NAV3: variants seen among roughly 807,000 people sequenced by gnomAD.
NAV3 encodes neuron navigator 3, also known as pore membrane and/or filament interacting like protein 1.
Under a neutral mutation model 244.7 loss-of-function variants are expected in NAV3, and 87 were observed. The ratio of observed to expected loss-of-function variants is 0.36; its 90% confidence interval spans 0.30 to 0.42. NAV3 has a LOEUF of 0.42. Among genes scored for constraint, NAV3 ranks in the 20% least tolerant of loss-of-function variants. The pLI is 1.00. For missense variants in NAV3, 2,663 were observed against 2,893.3 expected (o/e 0.92, Z 1.83); for synonymous variants, 1,126 against 1,042.2 (o/e 1.08, Z -1.55).
Position 77,874,353 on chromosome 12 carries a change from G to A in NAV3, c.243+42649G>A, listed in dbSNP as rs375651370. Among the ~76,000 whole-genome samples the A allele has an allele frequency of 7.2e-5, 11 of 152,066 alleles. No individual in the cohort carries two copies. In the South Asian group the frequency reaches 1.7e-3, roughly 23 times the overall value. On this transcript the variant is annotated intron_variant, in intron 1 of 39. Transcript: ENST00000397909. Reference sequence around the variant, plus strand: ...CCAGCCTCAGCCTCCCAAGTAGCCAGGACTATAGGCACACACCACCATCCT... The same window carrying A: ...CCAGCCTCAGCCTCCCAAGTAGCCAAGACTATAGGCACACACCACCATCCT...
intron 9 of NAV3, among the ~76,000 whole-genome samples, chr12:78,030,610 T>G (rs560461272): frequency 6.6e-6 from 1 of 152,278 alleles, no homozygotes; most frequent in East Asian, 1.9e-4. Context: ...ATCAGTCTTT[T>G]CAGTAATTAT....
intron 8 of NAV3, among the ~76,000 whole-genome samples, chr12:78,015,050 C>T (rs1013657074): frequency 2.0e-5 from 3 of 152,008 alleles, no homozygotes; most frequent in African/African-American, 2.4e-5. Flanking sequence ...TACCACGAGT[C>T]GGCATTTTCC....
chr12:77,580,149 A>G (rs1869284850), intron 2 of NAV3, among the ~76,000 whole-genome samples: 1 of 151,776 alleles, frequency 6.6e-6, no homozygotes, highest in Non-Finnish European at 1.5e-5. Context: ...CATATAACAA[A>G]TGATTTAAGC....
intron 1 of NAV3, among the ~76,000 whole-genome samples, chr12:77,904,198 T>A (rs925331870): frequency 3.9e-5 from 6 of 152,222 alleles, no homozygotes; most frequent in African/African-American, 9.7e-5. Context: ...TGCACACATA[T>A]GTTTATTGTG....
chr12:77,772,098 A>G (rs1000794116), intron 2 of NAV3, among the ~76,000 whole-genome samples: 1 of 152,154 alleles, frequency 6.6e-6, no homozygotes, highest in Non-Finnish European at 1.5e-5. Context: ...TCAACTACAA[A>G]TTTGATAACA....
intron 12 of NAV3, among the ~76,000 whole-genome samples, chr12:78,116,359 T>C (rs1205701707): frequency 6.6e-6 from 1 of 152,220 alleles, no homozygotes; most frequent in Non-Finnish European, 1.5e-5. Flanking sequence ...AATGATTTTC[T>C]GGTTCCTGAC....
At chr12:77,936,319 A>G (rs1889325694) in intron 1 of NAV3, among the ~76,000 whole-genome samples, 1 of 152,220 alleles carries the variant, frequency 6.6e-6, no homozygotes, top group East Asian at 1.9e-4. Flanking sequence ...TGTAAACGCA[A>G]TCTCAGTAAT....
chr12:77,815,900 G>A (rs1192649866), intron 2 of NAV3, among the ~76,000 whole-genome samples: 1 of 152,056 alleles, frequency 6.6e-6, no homozygotes, highest in Non-Finnish European at 1.5e-5. Flanking sequence ...ATATTTTATG[G>A]TATTTTTGGA....
intron 1 of NAV3, among the ~76,000 whole-genome samples, chr12:77,898,487 A>C (rs1372976114): frequency 6.6e-6 from 1 of 152,218 alleles, no homozygotes; most frequent in African/African-American, 2.4e-5. Context: ...AATTTAAGTA[A>C]ATAATTGAAA....
intron 1 of NAV3, among the ~76,000 whole-genome samples, chr12:77,864,772 CTTG>C (rs928107181): frequency 2.6e-5 from 4 of 151,720 alleles, no homozygotes; most frequent in African/African-American, 7.3e-5. Context: ...TTTTGTTGTC[CTTG>C]TTGTTGTTGT....
At chr12:77,578,183 A>C (rs1345637782) in intron 2 of NAV3, among the ~76,000 whole-genome samples, 1 of 152,202 alleles carries the variant, frequency 6.6e-6, no homozygotes, top group South Asian at 2.1e-4. Flanking sequence ...TTCTGAGTAT[A>C]TTCTGAGGAC....
At chr12:78,005,916 CT>C (rs566543406) in intron 7 of NAV3, among the ~76,000 whole-genome samples, 147 of 149,844 alleles carry the variant, frequency 9.8e-4, no homozygotes, top group East Asian at 5.6e-3. Flanking sequence ...TCATAAATAA[CT>C]TTTTTTTTTG....
intron 3 of NAV3, among the ~76,000 whole-genome samples, chr12:77,944,978 T>C (rs570379113): frequency 6.6e-6 from 1 of 152,294 alleles, no homozygotes; most frequent in Admixed American, 6.5e-5. Flanking sequence ...GTATTTCTTT[T>C]TGGTAATTGG....
At chr12:77,927,511 G>A (rs976955416) in intron 1 of NAV3, among the ~76,000 whole-genome samples, 2 of 152,126 alleles carry the variant, frequency 1.3e-5, no homozygotes, top group Non-Finnish European at 2.9e-5. Context: ...CTTTAAAAAC[G>A]GAATAGTGGT....
chr12:77,814,895 G>A (rs1407006834), intron 2 of NAV3, among the ~76,000 whole-genome samples: 1 of 152,168 alleles, frequency 6.6e-6, no homozygotes, highest in Admixed American at 6.5e-5. Flanking sequence ...GAGAGGAAGA[G>A]ATATTTTTTT....
intron 9 of NAV3, among the ~76,000 whole-genome samples, chr12:78,047,221 C>T (rs919772011): frequency 6.6e-6 from 1 of 152,118 alleles, no homozygotes; most frequent in Admixed American, 6.6e-5. Context: ...GGTGCGGTGG[C>T]TCACGCTTGT....
At chr12:78,170,807 G>A (rs970522138) in intron 24 of NAV3, among the ~76,000 whole-genome samples, 2 of 151,686 alleles carry the variant, frequency 1.3e-5, no homozygotes, top group African/African-American at 4.8e-5. Context: ...TCGAGACACT[G>A]CAGCAGCAGT....
At chr12:77,627,625 T>A (rs1228512395) in intron 2 of NAV3, among the ~76,000 whole-genome samples, 1 of 152,130 alleles carries the variant, frequency 6.6e-6, no homozygotes, top group Non-Finnish European at 1.5e-5. Context: ...TGTGAAGGTT[T>A]CTCCGAACTC....
At chr12:78,138,755 A>G (rs1956481035) in intron 19 of NAV3, among the ~76,000 whole-genome samples, 1 of 152,208 alleles carries the variant, frequency 6.6e-6, no homozygotes, top group African/African-American at 2.4e-5. Flanking sequence ...ATTTTTATAT[A>G]CTGGGAAATT....
Sources: allele counts gnomAD v4.1 joint callset (sites outside exome capture counted in the v4.1 genomes callset), GRCh38; gene constraint gnomAD v4.1.1; transcripts MANE v1.5; gene names NCBI Gene and HGNC (gene_info 2026-07-23, HGNC 2026-07-21).